DPY19L4: variants seen among roughly 807,000 people sequenced by gnomAD.
DPY19L4 encodes dpy-19 like 4.
DPY19L4 carries 97 observed loss-of-function variants against 102.8 expected under a neutral mutation model. That is an observed-to-expected ratio of 0.94 (90% confidence interval 0.80 to 1.12). DPY19L4 has a LOEUF of 1.12. Ranked by LOEUF, DPY19L4 falls within the 50% of genes most tolerant of loss-of-function variation. DPY19L4 has a pLI of 0.00. For missense variants in DPY19L4, 815 were observed against 850.4 expected (o/e 0.96, Z 0.52); for synonymous variants, 252 against 283.1 (o/e 0.89, Z 1.10).
chr8:94,738,515 T>TA, intron 4 of DPY19L4, 56 bp downstream of exon 4: 1 of 1,131,668 alleles, frequency 8.8e-7, no homozygotes. Context: ...TCTTTTCTTT[T>TA]CTTTTTTTTT....
intron 6 of DPY19L4, among the ~76,000 whole-genome samples, chr8:94,745,240 G>C (rs1185684290): frequency 2.0e-5 from 3 of 152,098 alleles, no homozygotes; most frequent in African/African-American, 7.2e-5. Context: ...TACAGATAGG[G>C]GGAAAAAATC....
chr8:94,788,868 G>A (rs541184527), intron 18 of DPY19L4, among the ~76,000 whole-genome samples: 1 of 152,294 alleles, frequency 6.6e-6, no homozygotes, highest in South Asian at 2.1e-4. Flanking sequence ...ATAGCTCTTT[G>A]TCTTATCCAA....
rs1813724190 is a variant in DPY19L4, at chr8:94,787,961, A to G, written c.1916A>G (p.Asn639Ser). 6.6e-7 allele frequency: 1 copy of G among 1,519,822 alleles called. No individual in the cohort carries two copies. The highest frequency in any genetic ancestry group is 8.8e-7 in the Non-Finnish European group (1 of 1,133,520). The allele number at this position is 1,519,822 out of a possible 1,614,324, so 94.1% of individuals were successfully genotyped here. The change falls in exon 18 of 19, where the codon AAT becomes AGT. Residue 639 changes from asparagine to serine, a missense_variant. Physicochemically the swap from Asn to Ser is conservative, Grantham distance 46. Coordinates refer to ENST00000414645, the MANE Select transcript of DPY19L4 (RefSeq NM_181787.3). ...AAAATACTGACATCTTACAAAGCTA[A>G]TTACCTAATTGTAGAGGATGCTATC... ...IYKILTSYKA[N>S]YLIVEDAICN...
intron 8 of DPY19L4, among the ~76,000 whole-genome samples, chr8:94,764,024 C>T (rs1189860612): frequency 1.3e-5 from 2 of 152,116 alleles, no homozygotes; most frequent in African/African-American, 4.8e-5. Context: ...TAAAACATTG[C>T]ATTTAACTTT....
intron 6 of DPY19L4, chr8:94,745,133 G>T (rs1811612875): frequency 6.5e-6 from 1 of 154,102 alleles, no homozygotes; most frequent in Admixed American, 6.4e-5. Context: ...CTTAACACTG[G>T]AAGGGGAAAG....
chr8:94,789,993 G>T lies in DPY19L4; in HGVS notation c.*83G>T. On this transcript the variant is annotated 3_prime_UTR_variant, in exon 19 of 19. Transcript: ENST00000414645. ...CCTACTCGGTGTCTTTTGCAGATCAGAGTATGGACATTTGAAATATTGCTG... is the reference window on the plus strand; with the variant it reads ...CCTACTCGGTGTCTTTTGCAGATCATAGTATGGACATTTGAAATATTGCTG... The T allele has an allele frequency of 7.5e-7, 1 of 1,331,754 alleles. No individual in the cohort carries two copies. The highest frequency in any genetic ancestry group is 1.0e-6 in the Non-Finnish European group (1 of 966,390). 82.5% of individuals were successfully genotyped at this position (1,331,754 alleles called of 1,614,324 possible).
At chr8:94,734,868 C>A in intron 3 of DPY19L4, 114 bp downstream of exon 3, 3 of 1,398,678 alleles carry the variant, frequency 2.1e-6, no homozygotes, top group Non-Finnish European at 2.0e-6. Context: ...ACAAAATGCT[C>A]CAGAAGCTGT....
intron 8 of DPY19L4, 71 bp from the exon 9 acceptor site, chr8:94,765,112 A>G (rs1480778724): frequency 9.0e-7 from 1 of 1,109,728 alleles, no homozygotes; most frequent in Non-Finnish European, 1.3e-6. Flanking sequence ...AGTTAAATCT[A>G]TATAAAACAA....
chr8:94,752,003 ATACTGATGGACAT>A (rs1408494076), intron 6 of DPY19L4, among the ~76,000 whole-genome samples: 2 of 152,092 alleles, frequency 1.3e-5, no homozygotes, highest in Admixed American at 1.3e-4. Flanking sequence ...ATTTATTCAG[ATACTGATGGACAT>A]TTGGGTAGTT....
At chr8:94,762,942 A>C (rs1812457160) in intron 8 of DPY19L4, among the ~76,000 whole-genome samples, 1 of 148,710 alleles carries the variant, frequency 6.7e-6, no homozygotes, top group African/African-American at 2.5e-5. Context: ...GACTTGTAAC[A>C]GTGAGGTCTC....
chr8:94,736,256 T>C (rs930652345), intron 3 of DPY19L4, among the ~76,000 whole-genome samples: 3 of 152,142 alleles, frequency 2.0e-5, no homozygotes, highest in Non-Finnish European at 4.4e-5. Context: ...TATCTTCTCA[T>C]TGGGTATTAG....
chr8:94,739,899 T>C (rs1178013004), intron 6 of DPY19L4, 109 bp downstream of exon 6: 2 of 1,308,022 alleles, frequency 1.5e-6, no homozygotes, highest in Admixed American at 2.1e-5. Context: ...CCTCAGAACC[T>C]ATGAATATGA....
intron 6 of DPY19L4, among the ~76,000 whole-genome samples, chr8:94,744,042 G>A (rs1480398605): frequency 6.6e-6 from 1 of 152,122 alleles, no homozygotes; most frequent in Non-Finnish European, 1.5e-5. Context: ...TTTTTTGATT[G>A]TGTGATGTAT....
rs1215472189 is a variant in DPY19L4, at chr8:94,793,420, A to G, written c.*3510A>G. The G allele has an allele frequency of 6.7e-6, 1 of 149,552 alleles. No individual in the cohort carries two copies. The highest frequency in any genetic ancestry group is 1.5e-5 in the Non-Finnish European group (1 of 68,026). The allele number at this position is 149,552 out of a possible 1,614,324, so 9.3% of individuals were successfully genotyped here. A position where few individuals can be genotyped will look rare whatever the true frequency, so the allele number is the denominator to read the frequency against. On this transcript the variant is annotated 3_prime_UTR_variant, in exon 19 of 19. Coordinates refer to ENST00000414645, the MANE Select transcript of DPY19L4 (RefSeq NM_181787.3). ...TTATACAACTGATGGGGTTTTAAAA[A>G]GTGTAAATTGCCTTTTTTGTTAAAC...
chr8:94,742,418 A>C (rs1811485984), intron 6 of DPY19L4, among the ~76,000 whole-genome samples: 1 of 151,960 alleles, frequency 6.6e-6, no homozygotes, highest in African/African-American at 2.4e-5. Context: ...TTTGAGACAG[A>C]GTCTTACTCT....
At chr8:94,750,263 A>G in intron 6 of DPY19L4, among the ~76,000 whole-genome samples, 1 of 152,160 alleles carries the variant, frequency 6.6e-6, no homozygotes, top group South Asian at 2.1e-4. Flanking sequence ...ATTATTTGTC[A>G]TAGACAAAGT....
intron 18 of DPY19L4, among the ~76,000 whole-genome samples, chr8:94,789,337 A>C (rs1411156005): frequency 6.6e-6 from 1 of 152,224 alleles, no homozygotes; most frequent in African/African-American, 2.4e-5. Context: ...AAAGGTCTGC[A>C]CTAAGTCACG....
intron 14 of DPY19L4, among the ~76,000 whole-genome samples, chr8:94,779,678 T>G (rs531538790): frequency 1.3e-5 from 2 of 152,146 alleles, no homozygotes; most frequent in African/African-American, 4.8e-5. Flanking sequence ...GTATGCCAGA[T>G]TGGAATGAAA....
At chr8:94,767,698 G>A (rs889542375) in intron 11 of DPY19L4, among the ~76,000 whole-genome samples, 4 of 152,012 alleles carry the variant, frequency 2.6e-5, no homozygotes, top group African/African-American at 9.7e-5. Context: ...TTAATAAGTA[G>A]GTATCTCTTT....
Sources: gnomAD v4.1 joint callset for allele counts (sites outside exome capture counted in the v4.1 genomes callset) on GRCh38, gnomAD v4.1.1 for gene constraint, MANE v1.5 for transcripts, NCBI Gene and HGNC (gene_info 2026-07-23, HGNC 2026-07-21) for gene names.